The following WDR35 variants were observed in gnomAD, a reference collection of about 807,000 sequenced individuals.
WDR35 encodes WD repeat-containing protein 35.
In WDR35, 118 loss-of-function variants were observed where a neutral mutation model predicts 158.3. That is an observed-to-expected ratio of 0.75 (90% CI 0.64 to 0.87). The LOEUF is 0.87. WDR35 is among the 40% of genes least tolerant of loss of function. The pLI is 0.00. For synonymous variants in WDR35, 448 were observed against 476.1 expected (o/e 0.94, Z 0.77); for missense variants, 1,263 against 1,405.8 (o/e 0.90, Z 1.62).
intron 25 of WDR35, among the ~76,000 whole-genome samples, chr2:19,915,788 T>C (rs75857989): frequency 0.027 from 4,151 of 152,178 alleles, 159 homozygotes; most frequent in East Asian, 0.2. Flanking sequence ...ATTTCTAAAA[T>C]AGATGTTTCT....
chr2:19,913,570 A>G lies in WDR35; in HGVS notation c.3501T>C (p.Ser1167=). Residue 1167 remains serine, a synonymous_variant, in exon 27 of 27, where the codon AGT becomes AGC. Coordinates refer to ENST00000281405, the MANE Select transcript of WDR35 (RefSeq NM_020779.4). ...SHYSFCPLCH[S]PVG ...GTTTATCATTCCTTTATCCCACTGG[A>G]CTATGGCATAAGGGGCAGAAGCTGT... The G allele has an allele frequency of 6.2e-7, 1 of 1,614,098 alleles. No individual in the cohort carries two copies. Among genetic ancestry groups the G allele is most frequent in the East Asian group, 2.2e-5 (1 of 44,870 alleles).
At chr2:19,980,670 A>G (rs1201973815) in intron 4 of WDR35, 21 bp downstream of exon 4, 13 of 1,598,862 alleles carry the variant, frequency 8.1e-6, no homozygotes, top group Non-Finnish European at 1.1e-5. Flanking sequence ...AAATTAAATA[A>G]TCTCTCCTAG....
chr2:19,927,199 T>A (rs1406637837), intron 25 of WDR35, among the ~76,000 whole-genome samples: 2 of 152,238 alleles, frequency 1.3e-5, no homozygotes, highest in East Asian at 1.9e-4. Context: ...TGCCTAGATG[T>A]AATCACTCTA....
At chr2:19,942,617 G>A (rs1670916837) in intron 16 of WDR35, among the ~76,000 whole-genome samples, 1 of 149,872 alleles carries the variant, frequency 6.7e-6, no homozygotes, top group Non-Finnish European at 1.5e-5. Context: ...CACAAAAGTT[G>A]ATCCATGAAA....
intron 11 of WDR35, 81 bp from the exon 12 acceptor site, chr2:19,954,059 G>A (rs1004908862): frequency 1.4e-5 from 22 of 1,525,088 alleles, no homozygotes; most frequent in African/African-American, 6.8e-5. Flanking sequence ...TAGTAATCAC[G>A]GAGTTCAACC....
At chr2:19,982,566 A>G in intron 2 of WDR35, 32 bp from the exon 3 acceptor site, 1 of 1,604,884 alleles carries the variant, frequency 6.2e-7, no homozygotes, top group African/African-American at 1.3e-5. Flanking sequence ...TACTATGATA[A>G]ATATGTAAAA....
At chr2:19,987,045 T>C (rs952784472) in intron 2 of WDR35, among the ~76,000 whole-genome samples, 6 of 152,208 alleles carry the variant, frequency 3.9e-5, no homozygotes, top group African/African-American at 7.2e-5. Context: ...TTATGATATA[T>C]TAATACCAAT....
rs1001823179 is a variant in WDR35 at position 19,922,384 on chromosome 2, C to A, written c.3121+8012G>T. Among the ~76,000 whole-genome samples the A allele has an allele frequency of 2.2e-4, 33 of 152,264 alleles. No homozygotes were observed. The East Asian group carries it at 5.4e-3, about 25-fold the overall frequency. ...CACATATACACCAGGGAATACTATG[C>A]AGCCATAAAAAAGGATGCATTCATG... On this transcript the variant is annotated intron_variant, in intron 25 of 26. Coordinates refer to ENST00000281405, the MANE Select transcript of WDR35 (RefSeq NM_020779.4).
chr2:19,927,160 G>A (rs1202521429), intron 25 of WDR35, among the ~76,000 whole-genome samples: 2 of 152,150 alleles, frequency 1.3e-5, no homozygotes, highest in Non-Finnish European at 2.9e-5. Flanking sequence ...CACTTATTGG[G>A]CATATTTATC....
intron 11 of WDR35, among the ~76,000 whole-genome samples, chr2:19,957,152 G>C (rs1671471224): frequency 6.6e-6 from 1 of 152,136 alleles, no homozygotes; most frequent in Admixed American, 6.5e-5. Flanking sequence ...TTAACTACTA[G>C]AGCAGACTGA....
rs149444449 is a variant in WDR35 at position 19,912,580 on chromosome 2, T to A, written c.*978A>T. 1 of 152,228 alleles carries A rather than the reference T, an allele frequency of 6.6e-6. No individual in the cohort carries two copies. The highest frequency in any genetic ancestry group is 2.4e-5 in the African/African-American group (1 of 41,458). 9.4% of individuals were successfully genotyped at this position (152,228 alleles called of 1,614,324 possible). ...ATCTCTATGTATTGCCTCTACTATA[T>A]GTAAGCCAAACCTCAATAAAATAAT... On this transcript the variant is annotated 3_prime_UTR_variant, in exon 27 of 27. Coordinates refer to ENST00000281405, the MANE Select transcript of WDR35 (RefSeq NM_020779.4).
intron 13 of WDR35, among the ~76,000 whole-genome samples, chr2:19,950,714 G>A (rs1277614763): frequency 6.6e-6 from 1 of 152,146 alleles, no homozygotes; most frequent in Non-Finnish European, 1.5e-5. Context: ...ATGACTAGAT[G>A]AACTCTTGCA....
intron 5 of WDR35, among the ~76,000 whole-genome samples, chr2:19,978,348 C>A (rs574430103): frequency 1.3e-5 from 2 of 152,232 alleles, no homozygotes; most frequent in South Asian, 4.1e-4. Flanking sequence ...TTGAAAAATA[C>A]AGGTTTTTAA....
At position 19,938,336 on chromosome 2, in the gene WDR35, T is replaced by C; in HGVS notation, c.1992A>G (p.Arg664=). ...NFEIRSLRDS[R]ALIEKVGIKD... is the part of the protein sequence containing the mutation. ...TAATTCCAACCTTCTCAATCAGTGC[T>C]CGGCTATCTCGCAGAGACCGAATCT... Residue 664 remains arginine, a synonymous_variant, in exon 18 of 27, where the codon CGA becomes CGG. Coordinates refer to ENST00000281405, the MANE Select transcript of WDR35 (RefSeq NM_020779.4). 6.2e-7 allele frequency: 1 copy of C among 1,614,090 alleles called. No homozygotes were observed. The highest frequency in any genetic ancestry group is 8.5e-7 in the Non-Finnish European group (1 of 1,180,002).
At chr2:19,960,452 T>C (rs1396245174) in intron 11 of WDR35, 102 bp downstream of exon 11, 2 of 963,976 alleles carry the variant, frequency 2.1e-6, no homozygotes, top group Admixed American at 4.3e-5. Flanking sequence ...ATCCTCGTTT[T>C]AGAAAACACC....
At chr2:19,988,767 G>C (rs556459471) in intron 2 of WDR35, among the ~76,000 whole-genome samples, 1 of 152,226 alleles carries the variant, frequency 6.6e-6, no homozygotes, top group African/African-American at 2.4e-5. Context: ...TTGGACACTA[G>C]GTGAATAACC....
At chr2:19,963,331 C>A (rs1671728841) in intron 10 of WDR35, among the ~76,000 whole-genome samples, 1 of 152,080 alleles carries the variant, frequency 6.6e-6, no homozygotes, top group Non-Finnish European at 1.5e-5. Context: ...GATTTATTTT[C>A]TTTTCAAGCA....
At chr2:19,939,991 T>TA (rs139257837) in intron 17 of WDR35, among the ~76,000 whole-genome samples, 12,563 of 144,658 alleles carry the variant, frequency 0.087, 609 homozygotes, top group East Asian at 0.23. Flanking sequence ...ATATTCAAAA[T>TA]AAAAAAAAAA....
At position 19,934,059 on chromosome 2, in the gene WDR35, C is replaced by T. The variant is rs1670614237; in HGVS notation, c.2548-548G>A. On this transcript the variant is annotated intron_variant, in intron 21 of 26. Transcript: ENST00000281405. This position sits in a 1 kb window ranked among gnomAD's most constrained non-coding sequence, Gnocchi z 4.6. ...ACCACCACCACCACCACCACCACCA[C>T]CACCACCACCACCACAAAAAAAAAT... Among the ~76,000 whole-genome samples, 1 of 146,456 alleles carries T rather than the reference C, an allele frequency of 6.8e-6. No homozygotes were observed. The highest frequency in any genetic ancestry group is 6.9e-5 in the Admixed American group (1 of 14,490).
Sources: allele counts gnomAD v4.1 joint callset (sites outside exome capture counted in the v4.1 genomes callset), GRCh38; gene constraint gnomAD v4.1.1; non-coding constraint Gnocchi (gnomAD v3.1); transcripts MANE v1.5; gene names NCBI Gene and HGNC (gene_info 2026-07-23, HGNC 2026-07-21).